XRCC4: variants seen among roughly 807,000 people sequenced by gnomAD.
XRCC4 encodes the protein X-ray repair cross complementing 4, also known as DNA repair protein XRCC4.
In XRCC4, 28 loss-of-function variants were observed where a neutral mutation model predicts 39.1. The observed-to-expected ratio is 0.72, with a 90% CI of 0.53 to 0.98. XRCC4 has a LOEUF of 0.98. XRCC4 is among the 50% of genes least tolerant of loss of function. XRCC4 has a pLI of 0.00. For synonymous variants in XRCC4, 123 were observed against 126.4 expected (o/e 0.97, Z 0.18); for missense variants, 350 against 376.4 (o/e 0.93, Z 0.58).
intron 6 of XRCC4, among the ~76,000 whole-genome samples, chr5:83,256,421 T>G (rs1160422757): frequency 2.0e-5 from 3 of 152,144 alleles, no homozygotes; most frequent in Admixed American, 6.6e-5. Context: ...TTTTAAAAAT[T>G]TTGCCTTGTA....
chr5:83,243,541 T>A (rs1198319920), intron 6 of XRCC4, among the ~76,000 whole-genome samples: 2 of 152,228 alleles, frequency 1.3e-5, no homozygotes, highest in Non-Finnish European at 2.9e-5. Flanking sequence ...TTTTAAGGAC[T>A]TTTTTCCAAA....
intron 6 of XRCC4, among the ~76,000 whole-genome samples, chr5:83,257,858 TA>T (rs1161048259): frequency 2.0e-4 from 30 of 152,020 alleles, no homozygotes; most frequent in East Asian, 5.8e-4. Context: ...TATGCAGCCA[TA>T]AAAAAAGGAT....
chr5:83,180,043 C>T (rs766096206), intron 3 of XRCC4, among the ~76,000 whole-genome samples: 8 of 152,092 alleles, frequency 5.3e-5, no homozygotes, highest in Non-Finnish European at 7.4e-5. Context: ...CCAGGAAAAA[C>T]CAATAAGATT....
At chr5:83,310,805 AC>A (rs1275816537) in intron 7 of XRCC4, 1 of 456,690 alleles carries the variant, frequency 2.2e-6, no homozygotes, top group Non-Finnish European at 4.4e-6. Flanking sequence ...GAAGAAGGAG[AC>A]TTCAGAGAAA....
At chr5:83,177,937 T>A (rs1271827717) in intron 3 of XRCC4, among the ~76,000 whole-genome samples, 1 of 152,132 alleles carries the variant, frequency 6.6e-6, no homozygotes, top group Non-Finnish European at 1.5e-5. Context: ...TCAGAGAGCC[T>A]AGTTGGAAGG....
intron 3 of XRCC4, among the ~76,000 whole-genome samples, chr5:83,130,270 T>C (rs2112476639): frequency 6.6e-6 from 1 of 152,332 alleles, no homozygotes; most frequent in South Asian, 2.1e-4. Flanking sequence ...TGGATCACTT[T>C]TATTGATTTG....
chr5:83,370,314 T>C, the XRCC4 span, among the ~76,000 whole-genome samples: 1 of 152,154 alleles, frequency 6.6e-6, no homozygotes, highest in Admixed American at 6.5e-5. Context: ...GAGCTGTGAC[T>C]TCTGTCTGTC....
chr5:83,132,437 G>T (rs1332897523), intron 3 of XRCC4, among the ~76,000 whole-genome samples: 1 of 152,074 alleles, frequency 6.6e-6, no homozygotes, highest in African/African-American at 2.4e-5. Context: ...TTCCTTGCTA[G>T]GTTGGGGAAG....
At chr5:83,105,923 A>C (rs1328238057) in intron 2 of XRCC4, among the ~76,000 whole-genome samples, 1 of 152,142 alleles carries the variant, frequency 6.6e-6, no homozygotes, top group Non-Finnish European at 1.5e-5. Flanking sequence ...AATACATTGT[A>C]AAATTTTGTT....
chr5:83,236,558 C>A (rs1281733747), intron 6 of XRCC4, among the ~76,000 whole-genome samples: 2 of 151,858 alleles, frequency 1.3e-5, no homozygotes, highest in Non-Finnish European at 2.9e-5. Context: ...ATACAAAAAT[C>A]AAATCAAAAT....
intron 6 of XRCC4, among the ~76,000 whole-genome samples, chr5:83,212,358 G>A (rs997059728): frequency 1.3e-5 from 2 of 151,198 alleles, no homozygotes; most frequent in Admixed American, 6.6e-5. Context: ...CAAATTGTCA[G>A]AATAAAAAAA....
intron 7 of XRCC4, among the ~76,000 whole-genome samples, chr5:83,321,478 A>G (rs1265736469): frequency 1.3e-5 from 2 of 152,198 alleles, no homozygotes; most frequent in African/African-American, 2.4e-5. Flanking sequence ...ATACTTGTGT[A>G]TAAATATAGA....
At chr5:83,318,418 C>T (rs1755951884) in intron 7 of XRCC4, among the ~76,000 whole-genome samples, 1 of 117,456 alleles carries the variant, frequency 8.5e-6, no homozygotes, top group South Asian at 3.0e-4. Flanking sequence ...TCAAATTGTC[C>T]CTGTTTGCAG....
At chr5:83,191,292 T>TC (rs1371092624) in intron 3 of XRCC4, among the ~76,000 whole-genome samples, 1 of 152,168 alleles carries the variant, frequency 6.6e-6, no homozygotes, top group Non-Finnish European at 1.5e-5. Flanking sequence ...GAATGGTAAC[T>TC]CCAACAATTC....
At chr5:83,214,208 C>A (rs573013397) in intron 6 of XRCC4, among the ~76,000 whole-genome samples, 23 of 151,926 alleles carry the variant, frequency 1.5e-4, no homozygotes, top group South Asian at 8.3e-4. Flanking sequence ...CTAGGCAGGG[C>A]AATTAGGCAA....
intron 7 of XRCC4, among the ~76,000 whole-genome samples, chr5:83,265,713 A>T (rs985808440): frequency 2.6e-5 from 4 of 152,180 alleles, no homozygotes; most frequent in Non-Finnish European, 5.9e-5. Context: ...TCTGTATTAA[A>T]CACAGATTTA....
intron 7 of XRCC4, among the ~76,000 whole-genome samples, chr5:83,275,574 C>A (rs1175602384): frequency 6.6e-6 from 1 of 152,124 alleles, no homozygotes; most frequent in Non-Finnish European, 1.5e-5. Context: ...GGATTACAGG[C>A]GTGAGCCACC....
At chr5:83,280,445 T>C in intron 7 of XRCC4, 1 of 698,168 alleles carries the variant, frequency 1.4e-6, no homozygotes, top group South Asian at 1.6e-5. Context: ...TTGAAGAAAG[T>C]TCTTGCACAT....
intron 7 of XRCC4, among the ~76,000 whole-genome samples, chr5:83,269,134 G>A (rs1428084611): frequency 6.6e-6 from 1 of 152,118 alleles, no homozygotes; most frequent in Non-Finnish European, 1.5e-5. Flanking sequence ...CATCTAAGCT[G>A]TCAGGAACAT....
Sources: gnomAD v4.1 joint callset for allele counts (sites outside exome capture counted in the v4.1 genomes callset) on GRCh38, gnomAD v4.1.1 for gene constraint, MANE v1.5 for transcripts, NCBI Gene and HGNC (gene_info 2026-07-23, HGNC 2026-07-21) for gene names.